Variants in UQCRH observed in about 807,000 individuals in gnomAD.
UQCRH encodes the protein cytochrome b-c1 complex subunit 6, mitochondrial.
A neutral mutation model predicts 16.3 loss-of-function variants in UQCRH; 14 were observed. The observed-to-expected ratio is 0.86, with a 90% confidence interval of 0.57 to 1.34. The LOEUF is 1.34. Ranked by LOEUF, UQCRH falls within the 40% of genes most tolerant of loss-of-function variation. The pLI is 0.00. For missense variants in UQCRH, 89 were observed against 111.9 expected (o/e 0.80, Z 0.92); for synonymous variants, 41 against 41.9 (o/e 0.98, Z 0.08).
chr1:46,307,226 G>A (rs1428689732), intron 1 of UQCRH, among the ~76,000 whole-genome samples: 1 of 152,136 alleles, frequency 6.6e-6, no homozygotes, highest in Non-Finnish European at 1.5e-5. Flanking sequence ...TGTATTTTTA[G>A]TAGAGACGGG....
intron 3 of UQCRH, among the ~76,000 whole-genome samples, chr1:46,313,474 A>G (rs556756686): frequency 4.6e-5 from 7 of 151,862 alleles, no homozygotes; most frequent in Non-Finnish European, 1.0e-4. Flanking sequence ...TAAAAATACA[A>G]AAAAATTAGC....
At position 46,310,217 on chromosome 1, in the gene UQCRH, G is replaced by C. The variant is rs370395351; in HGVS notation, c.144G>C (p.Glu48Asp). Residue 48 changes from glutamate to aspartate, a missense_variant, in exon 3 of 4, where the codon GAG becomes GAC. Glu to Asp is a conservative substitution (Grantham distance 45). Transcript: ENST00000311672. ...EQLEKCVKAR[E>D]RLELCDERVS... ...TGGAGAAATGTGTAAAGGCCCGGGAGCGGCTAGAGCTCTGTGATGAGCGTG... is the reference window on the plus strand; with the variant it reads ...TGGAGAAATGTGTAAAGGCCCGGGACCGGCTAGAGCTCTGTGATGAGCGTG... 3 of 1,614,098 alleles carry C rather than the reference G, an allele frequency of 1.9e-6. No individual in the cohort carries two copies. The African/African-American group carries it at 4.0e-5, about 22-fold the overall frequency.
intron 1 of UQCRH, among the ~76,000 whole-genome samples, chr1:46,308,888 A>G (rs1034178746): frequency 2.0e-5 from 3 of 152,216 alleles, no homozygotes; most frequent in Non-Finnish European, 2.9e-5. Context: ...GTATGCTCGC[A>G]GGCAAGTTTG....
At chr1:46,316,423 G>A (rs1055369117) in intron 3 of UQCRH, 129 bp from the exon 4 acceptor site, 43 of 1,231,344 alleles carry the variant, frequency 3.5e-5, no homozygotes, top group African/African-American at 6.2e-5. Context: ...TAGGACTCAA[G>A]TGCTGCTTGC....
Position 46,310,277 on chromosome 1 carries a change from G to A in UQCRH, c.204G>A (p.Thr68=), listed in dbSNP as rs148062188. 713 of 1,614,010 alleles carry A rather than the reference G, an allele frequency of 4.4e-4. No homozygotes were observed. Among genetic ancestry groups the A allele is most frequent in the Non-Finnish European group, 5.7e-4 (674 of 1,180,034 alleles). The change falls in exon 3 of 4, where the codon ACG becomes ACA. Residue 68 remains threonine (T), a synonymous_variant. Coordinates refer to ENST00000311672, the MANE Select transcript of UQCRH (RefSeq NM_006004.4). The part of the protein sequence containing the change: ...SSRSHTEEDC[T]EELFDFLHAR... ...GATCACATACAGAAGAGGATTGCAC[G>A]GAGGAGCTCTTTGACTTCTTGCATG...
Position 46,316,763 on chromosome 1 carries a change from C to T in UQCRH, c.*179C>T. The T allele has an allele frequency of 2.2e-5, 17 of 768,322 alleles. No individual in the cohort carries two copies. The highest frequency in any genetic ancestry group is 8.5e-5 in the South Asian group (3 of 35,176). The allele number at this position is 768,322 out of a possible 1,614,324, so 47.6% of individuals were successfully genotyped here. The stretch of plus-strand genomic sequence containing the variant: ...CAATGATTCCATCTAAATAAAAGTT[C>T]TATGATCTGCAAACCTGCCCGTCTT... On this transcript the variant is annotated 3_prime_UTR_variant, in exon 4 of 4. Coordinates refer to ENST00000311672, the MANE Select transcript of UQCRH (RefSeq NM_006004.4).
intron 3 of UQCRH, 67 bp from the exon 4 acceptor site, chr1:46,316,485 G>A: frequency 1.2e-6 from 2 of 1,607,612 alleles, no homozygotes; most frequent in Non-Finnish European, 8.5e-7. Flanking sequence ...TTCAGGTCTT[G>A]AAGGACCTTG....
chr1:46,312,602 C>T (rs1217705485), intron 3 of UQCRH, among the ~76,000 whole-genome samples: 1 of 151,800 alleles, frequency 6.6e-6, no homozygotes, highest in Non-Finnish European at 1.5e-5. Context: ...GTGGCTGACG[C>T]TTATGATCCT....
rs7528900 is a variant in UQCRH at position 46,314,709 on chromosome 1, G to T, written c.244-1843G>T. Among the ~76,000 whole-genome samples the T allele has an allele frequency of 4.4e-3, 660 of 151,504 alleles. 8 individuals are homozygous for T. Among genetic ancestry groups the T allele is most frequent in the African/African-American group, 0.015 (618 of 41,310 alleles). On this transcript the variant is annotated intron_variant, in intron 3 of 3. Coordinates refer to ENST00000311672, the MANE Select transcript of UQCRH (RefSeq NM_006004.4). ...AAAAAAAGGAGGGAAACTCTGACAC[G>T]TGCTGCAACATTGATGAACCTTGGA...
In UQCRH at chr1:46,316,537, C is replaced by CT; in HGVS notation, c.244-12dup. The stretch of plus-strand genomic sequence containing the variant: ...AGCTGCCAATTGATTACCTCCTTTT[C>CT]TTTCCCCCATCTAGGTGGCCCACAA... On this transcript the variant is annotated splice_polypyrimidine_tract_variant and intron_variant, in intron 3 of 3. Coordinates refer to ENST00000311672, the MANE Select transcript of UQCRH (RefSeq NM_006004.4). 1 of 1,613,594 alleles carries CT rather than the reference C, an allele frequency of 6.2e-7. No homozygotes were observed. Among genetic ancestry groups the CT allele is most frequent in the Non-Finnish European group, 8.5e-7 (1 of 1,179,784 alleles).
intron 3 of UQCRH, among the ~76,000 whole-genome samples, chr1:46,310,991 C>T (rs945213741): frequency 2.0e-5 from 3 of 150,256 alleles, no homozygotes; most frequent in Non-Finnish European, 4.4e-5. Flanking sequence ...GGCGTGAACC[C>T]GGGGAAGCGG....
At position 46,311,794 on chromosome 1, in the gene UQCRH, G is replaced by GT. The variant is rs577146479; in HGVS notation, c.243+1485dup. On this transcript the variant is annotated intron_variant, in intron 3 of 3. Coordinates refer to ENST00000311672, the MANE Select transcript of UQCRH (RefSeq NM_006004.4). Reference sequence around the variant, plus strand: ...TGTTTTTTTTTGTTTGTTTGTTTTTGTTTTTTTGTATTTTTAGTAGAGACG... The same window carrying GT: ...TGTTTTTTTTTGTTTGTTTGTTTTTGTTTTTTTTGTATTTTTAGTAGAGACG... Among the ~76,000 whole-genome samples, 160 of 150,702 alleles carry GT rather than the reference G, an allele frequency of 1.1e-3. 2 individuals are homozygous for GT. The South Asian group carries it at 0.017, about 16-fold the overall frequency.
At chr1:46,312,039 C>A (rs948845715) in intron 3 of UQCRH, among the ~76,000 whole-genome samples, 16 of 151,358 alleles carry the variant, frequency 1.1e-4, no homozygotes, top group African/African-American at 3.6e-4. Context: ...AACAATCCTT[C>A]TGCCTTAGCC....
At chr1:46,306,493 T>G (rs1293250294) in intron 1 of UQCRH, among the ~76,000 whole-genome samples, 1 of 150,542 alleles carries the variant, frequency 6.6e-6, no homozygotes, top group African/African-American at 2.4e-5. Context: ...CCTGCCTCAG[T>G]CTCCCGAGTA....
At chr1:46,304,955 G>A (rs1353844543) in intron 1 of UQCRH, among the ~76,000 whole-genome samples, 1 of 152,026 alleles carries the variant, frequency 6.6e-6, no homozygotes, top group Non-Finnish European at 1.5e-5. Context: ...TCTGGGCTGT[G>A]GGTTCAGAAT....
intron 1 of UQCRH, among the ~76,000 whole-genome samples, chr1:46,308,004 T>C (rs1319706736): frequency 6.6e-6 from 1 of 152,228 alleles, no homozygotes; most frequent in Non-Finnish European, 1.5e-5. Context: ...TCAGAAAATG[T>C]CTAATTACTG....
At chr1:46,311,600 CT>C (rs113885743) in intron 3 of UQCRH, among the ~76,000 whole-genome samples, 18 of 144,114 alleles carry the variant, frequency 1.2e-4, no homozygotes, top group East Asian at 2.1e-4. Flanking sequence ...CAAAAGGTTG[CT>C]TTTTTTTTTG....
intron 1 of UQCRH, 48 bp downstream of exon 1, chr1:46,303,868 G>A (rs1462105187): frequency 6.2e-7 from 1 of 1,613,514 alleles, no homozygotes; most frequent in Admixed American, 1.7e-5. Flanking sequence ...CTGAAGCCCA[G>A]GACCTAGCCC....
rs566859467 is a variant in UQCRH at position 46,311,086 on chromosome 1, AAAAT to A, written c.243+773_243+776del. ...CGAGACTCCATCTCAAAAAAAAAAA[AAAAT>A]AATAATAATAATAATCTTGCCTAAT... is the stretch of plus-strand genomic sequence containing the variant. On this transcript the variant is annotated intron_variant, in intron 3 of 3. Transcript: ENST00000311672. Among the ~76,000 whole-genome samples the A allele has an allele frequency of 5.0e-4, 76 of 151,122 alleles. 1 individual carries two copies. In the South Asian group the frequency reaches 0.014, roughly 28 times the overall value.
Sources: allele counts gnomAD v4.1 joint callset (sites outside exome capture counted in the v4.1 genomes callset), GRCh38; gene constraint gnomAD v4.1.1; transcripts MANE v1.5; gene names NCBI Gene and HGNC (gene_info 2026-07-23, HGNC 2026-07-21).